The following DCDC2B variants were observed in gnomAD, a reference collection of about 807,000 sequenced individuals.
DCDC2B encodes the protein doublecortin domain containing 2B.
DCDC2B carries 41 observed loss-of-function variants against 38.9 expected under a neutral mutation model. The observed-to-expected ratio is 1.05, with a 90% confidence interval of 0.82 to 1.37. The LOEUF is 1.37. DCDC2B is among the 40% of genes most tolerant of loss of function. DCDC2B has a pLI of 0.00. For synonymous variants in DCDC2B, 181 were observed against 171.9 expected, an observed-to-expected ratio of 1.05 and a Z score of -0.41; for missense variants, 453 against 427.2, an observed-to-expected ratio of 1.06 and a Z score of -0.53.
chr1:32,212,530 G>C lies in DCDC2B; in HGVS notation c.568G>C (p.Glu190Gln), dbSNP rs774230311. Residue 190 changes from glutamate to glutamine, a missense_variant, in exon 5 of 9, where the codon GAG becomes CAG. Glu to Gln is a conservative substitution (Grantham distance 29, BLOSUM62 2). Coordinates refer to ENST00000409358, the MANE Select transcript of DCDC2B (RefSeq NM_001099434.2). ...GGGGCTCCCACTGTCAGCAGGGAAG[G>C]AGCTGGTAACTGGCCATTACTATGT... is the stretch of plus-strand genomic sequence containing the variant. ...LEGLPLSAGKELVTGHYYVAV... is the reference protein window; with the variant it reads ...LEGLPLSAGKQLVTGHYYVAV... 4 of 1,614,050 alleles carry C rather than the reference G, an allele frequency of 2.5e-6. No individual in the cohort carries two copies. In the South Asian group the frequency reaches 4.4e-5, roughly 18 times the overall value.
rs752730834 is a variant in DCDC2B, at chr1:32,214,848, C to G, written c.766C>G (p.Arg256Gly). The G allele has an allele frequency of 3.2e-5, 51 of 1,613,800 alleles. No homozygotes were observed. Among genetic ancestry groups the G allele is most frequent in the Non-Finnish European group, 3.9e-5 (46 of 1,179,890 alleles). Residue 256 changes from arginine (R) to glycine (G), a missense_variant, in exon 7 of 9, where the codon CGA (arginine) becomes GGA (glycine). By Grantham distance (125) the Arg-to-Gly change is moderately radical. Coordinates refer to ENST00000409358, the MANE Select transcript of DCDC2B (RefSeq NM_001099434.2). ...VTQPSPKEPD[R>G]IKPSAFYARP... ...CCAGCCCTCTCCAAAGGAACCAGAC[C>G]GAATTAAGCCATCTGCTTTCTATGC...
At chr1:32,212,461 C>G in intron 4 of DCDC2B, 29 bp from the exon 5 acceptor site, 3 of 1,612,188 alleles carry the variant, frequency 1.9e-6, no homozygotes, top group Non-Finnish European at 2.5e-6. Context: ...AGTCTACCAG[C>G]CCTTATCCTC....
chr1:32,209,353 A>T lies in DCDC2B; in HGVS notation c.260A>T (p.Lys87Met). 1.2e-6 allele frequency: 2 copies of T among 1,613,752 alleles called. No homozygotes were observed. Among genetic ancestry groups the T allele is most frequent in the Non-Finnish European group, 1.7e-6 (2 of 1,179,724 alleles). ...YVAAGFERFH[K>M]LHYLPHRGKD... ...GCCGCTGGATTTGAACGATTCCACA[A>T]GCTCCAGTGAGTGGGCTGGGGCTGG... The change falls in exon 1 of 9, where the codon AAG (lysine) becomes ATG (methionine). Residue 87 changes from lysine (K) to methionine (M), a missense_variant. By Grantham distance (95) the Lys-to-Met change is moderately conservative (BLOSUM62 -1). Coordinates refer to ENST00000409358, the MANE Select transcript of DCDC2B (RefSeq NM_001099434.2).
intron 6 of DCDC2B, among the ~76,000 whole-genome samples, chr1:32,214,308 G>C (rs1459037850): frequency 1.9e-5 from 2 of 107,926 alleles, no homozygotes; most frequent in African/African-American, 7.5e-5. Flanking sequence ...TAAGACTCAA[G>C]TCTCAAAAAA....
rs1638249320 is a variant in DCDC2B, at chr1:32,214,786, C to A, written c.715-11C>A. 7 of 1,613,886 alleles carry A rather than the reference C, an allele frequency of 4.3e-6. No homozygotes were observed. Among genetic ancestry groups the A allele is most frequent in the Non-Finnish European group, 5.9e-6 (7 of 1,179,830 alleles). On this transcript the variant is annotated splice_polypyrimidine_tract_variant and intron_variant, in intron 6 of 8. Transcript: ENST00000409358. Reference sequence around the variant, plus strand: ...AGCAATCAGGGTCCAAGCCCAGTGTCCCTTCTCTAGGCCCAAGGCCACAGG... The same window carrying A: ...AGCAATCAGGGTCCAAGCCCAGTGTACCTTCTCTAGGCCCAAGGCCACAGG...
chr1:32,211,996 G>C (rs928439840), intron 3 of DCDC2B, 74 bp from the exon 4 acceptor site: 9 of 1,568,338 alleles, frequency 5.7e-6, no homozygotes, highest in South Asian at 2.3e-5. Flanking sequence ...GGTTATTGCT[G>C]GCCCTGTGCC....
At chr1:32,209,451 A>G in intron 1 of DCDC2B, 92 bp downstream of exon 1, 1 of 1,512,998 alleles carries the variant, frequency 6.6e-7, no homozygotes, top group East Asian at 2.3e-5. Context: ...CCAGCATGTT[A>G]CTGGTACTTA....
At chr1:32,215,024 C>G (rs779410420) in intron 7 of DCDC2B, 92 bp downstream of exon 7, 1 of 1,439,146 alleles carries the variant, frequency 6.9e-7, no homozygotes, top group Non-Finnish European at 9.3e-7. Context: ...TCCATGGGAG[C>G]AGAATGCTCA....
chr1:32,214,219 G>A (rs1023162151), intron 6 of DCDC2B, among the ~76,000 whole-genome samples: 8 of 150,584 alleles, frequency 5.3e-5, no homozygotes, highest in African/African-American at 2.0e-4. Context: ...GGCTGAGGCA[G>A]GAGAATCACT....
At chr1:32,214,592 T>G in intron 6 of DCDC2B, 1 of 619,262 alleles carries the variant, frequency 1.6e-6, no homozygotes, top group Non-Finnish European at 2.7e-6. Flanking sequence ...CATCGAGGAG[T>G]GCCAGGCATC....
chr1:32,215,079 C>T, intron 7 of DCDC2B, 147 bp downstream of exon 7: 1 of 1,163,198 alleles, frequency 8.6e-7, no homozygotes. Context: ...ATAAAGGAGT[C>T]TGAACCTACT....
chr1:32,214,654 G>A lies in DCDC2B; in HGVS notation c.715-143G>A, dbSNP rs991989035. 4.1e-6 allele frequency: 5 copies of A among 1,206,162 alleles called. No homozygotes were observed. In the African/African-American group the frequency reaches 7.7e-5, roughly 19 times the overall value. The allele number at this position is 1,206,162 out of a possible 1,614,324, so 74.7% of individuals were successfully genotyped here. A position where few individuals can be genotyped will look rare whatever the true frequency, so the allele number is the denominator to read the frequency against. ...GCTGGTGGGAAGAGGCAGCAAGGAG[G>A]GAGGACGTACTTTGTGAAGACAGAC... On this transcript the variant is annotated intron_variant, in intron 6 of 8. Transcript: ENST00000409358.
At chr1:32,214,397 T>C (rs1643713895) in intron 6 of DCDC2B, 3 of 171,844 alleles carry the variant, frequency 1.7e-5, no homozygotes, top group Non-Finnish European at 2.5e-5. Context: ...ACCAGAATTC[T>C]CATCTGATTT....
intron 1 of DCDC2B, among the ~76,000 whole-genome samples, chr1:32,210,515 G>C (rs1643541388): frequency 6.7e-6 from 1 of 150,038 alleles, no homozygotes. Flanking sequence ...AAAAAAAAGA[G>C]AAAAAAAGAA....
intron 2 of DCDC2B, 122 bp from the exon 3 acceptor site, chr1:32,211,639 C>A: frequency 1.0e-6 from 1 of 964,254 alleles, no homozygotes; most frequent in Non-Finnish European, 1.6e-6. Flanking sequence ...AACTGTCTTA[C>A]TCCTCCTCGC....
Position 32,216,003 on chromosome 1 carries a change from C to T in DCDC2B, c.*106C>T, listed in dbSNP as rs905107475. 1.0e-6 allele frequency: 1 copy of T among 978,884 alleles called. No individual in the cohort carries two copies. Among genetic ancestry groups the T allele is most frequent in the African/African-American group, 1.6e-5 (1 of 61,084 alleles). 60.6% of individuals were successfully genotyped at this position (978,884 alleles called of 1,614,324 possible). A position where few individuals can be genotyped will look rare whatever the true frequency, so the allele number is the denominator to read the frequency against. Reference sequence around the variant, plus strand: ...GGAGCCAGCACCTCCGCTGGGCTCACAGGGTACACTGCGGCCTCCTCAGCC... The same window carrying T: ...GGAGCCAGCACCTCCGCTGGGCTCATAGGGTACACTGCGGCCTCCTCAGCC... On this transcript the variant is annotated 3_prime_UTR_variant, in exon 9 of 9. Coordinates refer to ENST00000409358, the MANE Select transcript of DCDC2B (RefSeq NM_001099434.2).
chr1:32,212,715 C>A (rs753771672), intron 5 of DCDC2B, 39 bp from the exon 6 acceptor site: 2 of 1,613,492 alleles, frequency 1.2e-6, no homozygotes, highest in Admixed American at 1.7e-5. Flanking sequence ...TGACTCTATG[C>A]CCTCTGCCCA....
intron 2 of DCDC2B, among the ~76,000 whole-genome samples, 165 bp downstream of exon 2, chr1:32,211,488 C>CT (rs1254826999): frequency 6.6e-6 from 1 of 152,204 alleles, no homozygotes; most frequent in East Asian, 1.9e-4. Flanking sequence ...TTTCAAGACA[C>CT]TATTTCTTGC....
At chr1:32,212,403 G>C in intron 4 of DCDC2B, 87 bp from the exon 5 acceptor site, 1 of 1,569,978 alleles carries the variant, frequency 6.4e-7, no homozygotes, top group South Asian at 1.2e-5. Flanking sequence ...GGGCACCTTG[G>C]AATAGCTGCA....
Sources: allele counts gnomAD v4.1 joint callset (sites outside exome capture counted in the v4.1 genomes callset), GRCh38; gene constraint gnomAD v4.1.1; transcripts MANE v1.5; gene names NCBI Gene and HGNC (gene_info 2026-07-23, HGNC 2026-07-21).